The following IL1RAPL1 variants were observed in gnomAD, a reference collection of about 807,000 sequenced individuals.
The protein encoded by IL1RAPL1 is interleukin 1 receptor accessory protein like 1, also known as interleukin-1 receptor accessory protein-like 1.
A neutral mutation model predicts 48.4 loss-of-function variants in IL1RAPL1; 3 were observed. The observed-to-expected ratio is 0.06, with a 90% CI of 0.03 to 0.16. The LOEUF is 0.16. Ranked by LOEUF, IL1RAPL1 falls within the 10% of genes least tolerant of loss-of-function variation. The pLI, the probability that IL1RAPL1 is intolerant of heterozygous loss-of-function variation, is 1.00. For missense variants in IL1RAPL1, 349 were observed against 530.6 expected, an observed-to-expected ratio of 0.66 and a Z score of 3.36; for synonymous variants, 185 against 187.7, an observed-to-expected ratio of 0.99 and a Z score of 0.12.
intron 8 of IL1RAPL1, among the ~76,000 whole-genome samples, chrX:29,935,967 G>T (rs2147248525): frequency 9.0e-6 from 1 of 110,957 alleles, no homozygotes; most frequent in East Asian, 2.8e-4. Context: ...TAATTTTGGG[G>T]GTTTATACCC....
At chrX:28,970,650 A>G (rs779405173) in intron 2 of IL1RAPL1, among the ~76,000 whole-genome samples, 1 of 111,831 alleles carries the variant, frequency 8.9e-6, no homozygotes, top group South Asian at 3.7e-4. Flanking sequence ...GTGAATGTGA[A>G]ACAAAAAGCA....
intron 5 of IL1RAPL1, among the ~76,000 whole-genome samples, chrX:29,534,950 C>T (rs1182916652): frequency 1.9e-5 from 2 of 105,520 alleles, no homozygotes; most frequent in Non-Finnish European, 3.9e-5. Context: ...GCCTGGGCGA[C>T]GAGGGAGACT....
At chrX:29,264,406 G>C (rs2147585645) in intron 2 of IL1RAPL1, among the ~76,000 whole-genome samples, 1 of 110,748 alleles carries the variant, frequency 9.0e-6, no homozygotes, top group East Asian at 2.8e-4. Context: ...GTGAGGGAAA[G>C]TTGCTAAGTT....
intron 6 of IL1RAPL1, among the ~76,000 whole-genome samples, chrX:29,889,967 CAT>C (rs761745138): frequency 7.3e-5 from 8 of 109,943 alleles, no homozygotes; most frequent in African/African-American, 2.0e-4. Flanking sequence ...ACATTTATAT[CAT>C]ATATATATTA....
intron 2 of IL1RAPL1, among the ~76,000 whole-genome samples, chrX:28,906,162 C>T (rs1355894021): frequency 8.9e-6 from 1 of 112,078 alleles, no homozygotes; most frequent in Non-Finnish European, 1.9e-5. Context: ...TGAGAACTCA[C>T]TCATTATCAC....
intron 3 of IL1RAPL1, among the ~76,000 whole-genome samples, chrX:29,357,620 C>T (rs1361285406): frequency 9.0e-6 from 1 of 111,663 alleles, no homozygotes; most frequent in Non-Finnish European, 1.9e-5. Flanking sequence ...AACTATTGAC[C>T]TAACTTTATT....
At chrX:29,399,506 A>G (rs1252089608) in intron 5 of IL1RAPL1, among the ~76,000 whole-genome samples, 198 bp downstream of exon 5, 1 of 111,996 alleles carries the variant, frequency 8.9e-6, no homozygotes, top group African/African-American at 3.2e-5. Context: ...TAGAGACAAT[A>G]TGTTTAGGGA....
intron 6 of IL1RAPL1, among the ~76,000 whole-genome samples, chrX:29,855,518 A>G (rs1931459582): frequency 9.0e-6 from 1 of 111,641 alleles, no homozygotes; most frequent in African/African-American, 3.2e-5. Context: ...AAGATCCTGG[A>G]GTTTTAAGCC....
intron 2 of IL1RAPL1, among the ~76,000 whole-genome samples, chrX:29,130,640 G>A (rs1929000424): frequency 9.0e-6 from 1 of 111,599 alleles, no homozygotes; most frequent in South Asian, 3.7e-4. Context: ...GCATTATGAT[G>A]GATCCTCTTG....
chrX:29,458,525 GA>G (rs990259068), intron 5 of IL1RAPL1, among the ~76,000 whole-genome samples: 1 of 111,652 alleles, frequency 9.0e-6, no homozygotes, highest in African/African-American at 3.3e-5. Flanking sequence ...AAATCACATT[GA>G]AGTAAACAGT....
At chrX:29,809,917 A>C (rs934525574) in intron 6 of IL1RAPL1, among the ~76,000 whole-genome samples, 1 of 110,381 alleles carries the variant, frequency 9.1e-6, no homozygotes, top group African/African-American at 3.3e-5. Context: ...GTTGCCTGAA[A>C]TGTTCATATT....
chrX:29,212,316 AT>A (rs1226951303), intron 2 of IL1RAPL1, among the ~76,000 whole-genome samples: 3 of 108,077 alleles, frequency 2.8e-5, no homozygotes, highest in South Asian at 4.0e-4. Context: ...AGTCCCCCCA[AT>A]TTTTTTTTCA....
At chrX:29,366,553 A>ATTTTTTTTTTT (rs34164964) in intron 3 of IL1RAPL1, among the ~76,000 whole-genome samples, 1 of 37,255 alleles carries the variant, frequency 2.7e-5, no homozygotes, top group African/African-American at 1.3e-4. Context: ...TGATAGGTCA[A>ATTTTTTTTTTT]TTTTTTTTTT....
intron 2 of IL1RAPL1, among the ~76,000 whole-genome samples, chrX:29,169,652 C>T (rs986923148): frequency 1.8e-5 from 2 of 110,748 alleles, no homozygotes; most frequent in Non-Finnish European, 3.8e-5. Flanking sequence ...GAGTATTCAT[C>T]GTTGCCTCCC....
chrX:29,773,641 A>C (rs1337483588), intron 6 of IL1RAPL1, among the ~76,000 whole-genome samples: 1 of 111,839 alleles, frequency 8.9e-6, no homozygotes, highest in South Asian at 3.7e-4. Flanking sequence ...TGCAGGCTGT[A>C]GCAAAATAAC....
chrX:28,700,662 C>T lies in IL1RAPL1; in HGVS notation c.-24-88658C>T, dbSNP rs141098007. ...AACCTGTCATCTAGGTTTTAAGCCC[C>T]GCATGCATTAGTTATTTGTCCTGAT... On this transcript the variant is annotated intron_variant, in intron 1 of 10. Transcript: ENST00000378993. Among the ~76,000 whole-genome samples, 841 of 110,253 alleles carry T rather than the reference C, an allele frequency of 7.6e-3. 10 individuals carry two copies. Among genetic ancestry groups the T allele is most frequent in the East Asian group, 0.054 (187 of 3,468 alleles).
chrX:28,966,953 C>T (rs1924936005), intron 2 of IL1RAPL1, among the ~76,000 whole-genome samples: 1 of 111,889 alleles, frequency 8.9e-6, no homozygotes, highest in Non-Finnish European at 1.9e-5. Context: ...GTGGCCAACT[C>T]AATTAGGACT....
rs1487991860 is a variant in IL1RAPL1, at chrX:28,634,059, G to A, written c.-25+46012G>A. On this transcript the variant is annotated intron_variant, in intron 1 of 10. Transcript: ENST00000378993. ...CTCATTCTGTCTCCCTGGCTGGAGC[G>A]CAGTGGTGCTATCTATCTGGGCTCA... 1.0e-4 allele frequency among the ~76,000 whole-genome samples: 11 copies of A among 109,490 alleles called. No individual in the cohort carries two copies. In the East Asian group the frequency reaches 1.1e-3, roughly 11 times the overall value.
intron 7 of IL1RAPL1, 47 bp downstream of exon 7, chrX:29,917,643 T>A: frequency 1.9e-6 from 2 of 1,068,997 alleles, no homozygotes; most frequent in Non-Finnish European, 2.6e-6. Context: ...TAACATTTAC[T>A]CCATTAGTGA....
Sources: gnomAD v4.1 joint callset for allele counts (sites outside exome capture counted in the v4.1 genomes callset) on GRCh38, gnomAD v4.1.1 for gene constraint, MANE v1.5 for transcripts, NCBI Gene and HGNC (gene_info 2026-07-23, HGNC 2026-07-21) for gene names.